The following ASXL1 variants were observed in gnomAD, a reference collection of about 807,000 sequenced individuals.
ASXL1 encodes polycomb group protein ASXL1.
Under a neutral mutation model 89.1 loss-of-function variants are expected in ASXL1, and 65 were observed. That is an observed-to-expected ratio of 0.73 (90% CI 0.60 to 0.90). The LOEUF (loss-of-function observed/expected upper bound fraction) is 0.90, where lower values mean the gene tolerates loss of function less well. Ranked by LOEUF, ASXL1 falls within the 40% of genes least tolerant of loss-of-function variation. ASXL1 has a pLI of 0.00. For missense variants in ASXL1, 1,786 were observed against 1,942.9 expected, an observed-to-expected ratio of 0.92 and a Z score of 1.52; for synonymous variants, 739 against 746.9, an observed-to-expected ratio of 0.99 and a Z score of 0.17.
At chr20:32,359,173 T>C (rs1278815751) in intron 1 of ASXL1, 2 of 684,686 alleles carry the variant, frequency 2.9e-6, no homozygotes, top group Non-Finnish European at 5.3e-6. Context: ...CTGGGGCAGC[T>C]TCGTTCATTC....
chr20:32,359,503 G>T, intron 1 of ASXL1: 1 of 645,946 alleles, frequency 1.5e-6, no homozygotes, highest in South Asian at 1.7e-5. Context: ...GGGAATCTGC[G>T]CTTTCACCAG....
chr20:32,403,646 C>G (rs1157040909), intron 4 of ASXL1, among the ~76,000 whole-genome samples: 1 of 152,182 alleles, frequency 6.6e-6, no homozygotes, highest in Non-Finnish European at 1.5e-5. Flanking sequence ...AACACCTGGG[C>G]TCAAGTGATC....
At chr20:32,417,408 C>A (rs1416839233) in intron 4 of ASXL1, among the ~76,000 whole-genome samples, 2 of 152,064 alleles carry the variant, frequency 1.3e-5, no homozygotes, top group Non-Finnish European at 2.9e-5. Context: ...CGTTATATTC[C>A]AAGAGTGTGT....
chr20:32,364,876 C>G (rs1600468566), intron 1 of ASXL1, among the ~76,000 whole-genome samples: 1 of 152,138 alleles, frequency 6.6e-6, no homozygotes, highest in Non-Finnish European at 1.5e-5. Flanking sequence ...AGGATGACAA[C>G]AGAGTCAGAA....
In ASXL1 at chr20:32,377,972, C is replaced by CTGTGTGTGTGTGTGTGTGTGTGTGTGTG. The variant is rs112878923; in HGVS notation, c.252+8853_252+8880dup. ...CTGGCCCCAAAATAAAGTTTTGACT[C>CTGTGTGTGTGTGTGTGTGTGTGTGTGTG]TGTGTGTGTGTGTGTGTGTGTGTGT... On this transcript the variant is annotated intron_variant, in intron 4 of 12. Coordinates refer to ENST00000375687, the MANE Select transcript of ASXL1 (RefSeq NM_015338.6). Among the ~76,000 whole-genome samples, 78 of 115,400 alleles carry CTGTGTGTGTGTGTGTGTGTGTGTGTGTG rather than the reference C, an allele frequency of 6.8e-4. 2 individuals are homozygous for CTGTGTGTGTGTGTGTGTGTGTGTGTGTG. In the Middle Eastern group the frequency reaches 0.014, roughly 21 times the overall value. The allele number at this position is 115,400 out of a possible 152,430, so 75.7% of individuals were successfully genotyped here. A position where few individuals can be genotyped will look rare whatever the true frequency, so the allele number is the denominator to read the frequency against.
rs1050251390 is a variant in ASXL1 at position 32,438,170 on chromosome 20, C to T, written c.*832C>T. ...ACCTGTGTATGTGAAAGTCATTTTA[C>T]ATTTCAAAGCAGTGTGTGTTTCTTA... On this transcript the variant is annotated 3_prime_UTR_variant, in exon 13 of 13. Transcript: ENST00000375687. The T allele has an allele frequency of 1.3e-5, 3 of 233,380 alleles. No homozygotes were observed. Among genetic ancestry groups the T allele is most frequent in the African/African-American group, 4.4e-5 (2 of 45,328 alleles). 14.5% of individuals were successfully genotyped at this position (233,380 alleles called of 1,614,324 possible). A position where few individuals can be genotyped will look rare whatever the true frequency, so the allele number is the denominator to read the frequency against.
chr20:32,377,127 T>TA (rs1569253549), intron 4 of ASXL1, among the ~76,000 whole-genome samples: 7 of 140,840 alleles, frequency 5.0e-5, no homozygotes, highest in East Asian at 2.0e-4. Flanking sequence ...GATATATTAA[T>TA]ATAATATATA....
chr20:32,374,903 G>C (rs1391747161), intron 4 of ASXL1, among the ~76,000 whole-genome samples: 1 of 152,048 alleles, frequency 6.6e-6, no homozygotes, highest in Non-Finnish European at 1.5e-5. Flanking sequence ...CAAACCTATA[G>C]AAAAATTGAG....
At chr20:32,371,862 G>T in intron 4 of ASXL1, 1 of 434,662 alleles carries the variant, frequency 2.3e-6, no homozygotes, top group East Asian at 7.4e-5. Context: ...CAAAGCACTG[G>T]GATGGATTAC....
chr20:32,411,215 CTTTTTTTTTT>C (rs71187118), intron 4 of ASXL1, among the ~76,000 whole-genome samples: 2 of 53,394 alleles, frequency 3.7e-5, no homozygotes, highest in South Asian at 1.1e-3. Context: ...TTTATGGATT[CTTTTTTTTTT>C]TTTTTTTTTT....
intron 4 of ASXL1, among the ~76,000 whole-genome samples, chr20:32,423,401 T>TG (rs1555909883): frequency 0.33 from 50,173 of 151,004 alleles, 9,813 homozygotes; most frequent in Middle Eastern, 0.52. Flanking sequence ...AGCTAATTTT[T>TG]TGTGTGTGTG....
intron 12 of ASXL1, 83 bp downstream of exon 12, chr20:32,434,000 G>A (rs2011631448): frequency 6.4e-7 from 1 of 1,561,636 alleles, no homozygotes; most frequent in Non-Finnish European, 8.8e-7. Context: ...TAACTCTGGG[G>A]CCCTGAAGTT....
chr20:32,388,436 A>G (rs542786175), intron 4 of ASXL1, among the ~76,000 whole-genome samples: 11 of 152,316 alleles, frequency 7.2e-5, no homozygotes, highest in Admixed American at 2.6e-4. Flanking sequence ...TCAGCCTCCC[A>G]AAGTGTTGGG....
chr20:32,369,199 G>A (rs1476617262), intron 4 of ASXL1, 76 bp downstream of exon 4: 5 of 1,345,166 alleles, frequency 3.7e-6, no homozygotes, highest in Admixed American at 1.7e-5. Context: ...TGGTAGGTCT[G>A]GAATAGGGGC....
intron 4 of ASXL1, among the ~76,000 whole-genome samples, chr20:32,406,823 C>T (rs777888272): frequency 2.4e-4 from 36 of 152,144 alleles, no homozygotes; most frequent in Middle Eastern, 3.4e-3. Context: ...TCTTGATCTC[C>T]AACTCTCACG....
chr20:32,433,646 T>TG lies in ASXL1; in HGVS notation c.1448_1449insG (p.Glu484Ter). On this transcript the variant is annotated frameshift_variant, in exon 12 of 13. Coordinates refer to ENST00000375687, the MANE Select transcript of ASXL1 (RefSeq NM_015338.6). LOFTEE classifies it high-confidence loss of function. ...GACCTGGAGGGTCCCGAATTCCCAG[T>TG]TGAGTCTGTGGCTTCTCGGATCCAG... The TG allele has an allele frequency of 6.2e-7, 1 of 1,612,312 alleles. No homozygotes were observed. The highest frequency in any genetic ancestry group is 8.5e-7 in the Non-Finnish European group (1 of 1,178,478).
In ASXL1 at chr20:32,438,763, C is replaced by G; in HGVS notation, c.*1425C>G. 4.3e-6 allele frequency: 1 copy of G among 233,630 alleles called. No homozygotes were observed. The highest frequency in any genetic ancestry group is 8.5e-6 in the Non-Finnish European group (1 of 118,022). The allele number at this position is 233,630 out of a possible 1,614,324, so 14.5% of individuals were successfully genotyped here. On this transcript the variant is annotated 3_prime_UTR_variant, in exon 13 of 13. Coordinates refer to ENST00000375687, the MANE Select transcript of ASXL1 (RefSeq NM_015338.6). The stretch of plus-strand genomic sequence containing the variant: ...TGTCACAGCAATACCTGGGACCATG[C>G]TCTCCTGGGACTGTGAGGCTCCTTT...
Position 32,434,631 on chromosome 20 carries a change from C to A in ASXL1, c.1919C>A (p.Ala640Asp). 1 of 1,608,852 alleles carries A rather than the reference C, an allele frequency of 6.2e-7. No individual in the cohort carries two copies. The highest frequency in any genetic ancestry group is 8.5e-7 in the Non-Finnish European group (1 of 1,177,504). ...TGCCATAGAGAGGCGGCCACCACTG[C>A]CATCGGAGGGGGGGGTGGCCCGGGT... ...HHCHREAATT[A>D]IGGGGGPGGG... Residue 640 changes from alanine to aspartate, a missense_variant, in exon 13 of 13, where the codon GCC (alanine) becomes GAC (aspartate). This residue lies in a region of ASXL1 where 1,418 missense variants were observed against 1,427.8 expected (regional missense o/e 0.99). Coordinates refer to ENST00000375687, the MANE Select transcript of ASXL1 (RefSeq NM_015338.6).
rs1296539241 is a variant in ASXL1 at position 32,435,397 on chromosome 20, T to C, written c.2685T>C (p.Ser895=). The C allele has an allele frequency of 1.2e-6, 2 of 1,614,152 alleles. No homozygotes were observed. Among genetic ancestry groups the C allele is most frequent in the Non-Finnish European group, 1.7e-6 (2 of 1,180,024 alleles). The change falls in exon 13 of 13, where the codon TCT becomes TCC. Residue 895 remains serine (S), a synonymous_variant. Coordinates refer to ENST00000375687, the MANE Select transcript of ASXL1 (RefSeq NM_015338.6). The part of the protein sequence containing the change: ...LKTKALVSNS[S]LHWIPIPSND... ...CCAAGGCTCTCGTTTCTAACAGTTC[T>C]TTGCATTGGATACCCATCCCATCGA...
Sources: allele counts gnomAD v4.1 joint callset (sites outside exome capture counted in the v4.1 genomes callset), GRCh38; gene constraint gnomAD v4.1.1; regional missense constraint gnomAD v4.1.1; transcripts MANE v1.5; gene names NCBI Gene and HGNC (gene_info 2026-07-23, HGNC 2026-07-21).